AGBL1: variants seen among roughly 807,000 people sequenced by gnomAD.
AGBL1 encodes the protein cytosolic carboxypeptidase 4.
Under a neutral mutation model 118.9 loss-of-function variants are expected in AGBL1, and 130 were observed. That is an observed-to-expected ratio of 1.09 (90% CI 0.95 to 1.26). The LOEUF (loss-of-function observed/expected upper bound fraction) is 1.26, where lower values mean the gene tolerates loss of function less well. Among genes scored for constraint, AGBL1 ranks in the 50% most tolerant of loss-of-function variants. The probability of loss-of-function intolerance (pLI) is 0.00; values close to 1 mark genes in which losing one functional copy is unlikely to be tolerated. For synonymous variants in AGBL1, 555 were observed against 478.9 expected (o/e 1.16, Z -2.08); for missense variants, 1,584 against 1,298.1 (o/e 1.22, Z -3.38).
chr15:86,784,764 A>T (rs972228356), intron 22 of AGBL1, among the ~76,000 whole-genome samples: 2 of 152,146 alleles, frequency 1.3e-5, no homozygotes, highest in Non-Finnish European at 2.9e-5. Flanking sequence ...ATACTCTAAA[A>T]TACAATAGTG....
intron 22 of AGBL1, among the ~76,000 whole-genome samples, chr15:86,819,940 A>C (rs1217741497): frequency 6.6e-6 from 1 of 152,214 alleles, no homozygotes; most frequent in Admixed American, 6.5e-5. Flanking sequence ...GTACCAAAAC[A>C]GATATATAGA....
intron 18 of AGBL1, among the ~76,000 whole-genome samples, chr15:86,432,402 A>C (rs766275792): frequency 9.9e-5 from 15 of 152,280 alleles, no homozygotes; most frequent in Admixed American, 3.9e-4. Flanking sequence ...AGTCCTGGTC[A>C]GATATTTTGT....
At chr15:86,618,959 G>A (rs1175358363) in intron 21 of AGBL1, among the ~76,000 whole-genome samples, 1 of 152,050 alleles carries the variant, frequency 6.6e-6, no homozygotes, top group East Asian at 1.9e-4. Context: ...AAAAATGTAG[G>A]CAGTAACTAT....
chr15:86,712,255 T>A (rs2086572402), intron 22 of AGBL1, among the ~76,000 whole-genome samples: 1 of 152,180 alleles, frequency 6.6e-6, no homozygotes, highest in African/African-American at 2.4e-5. Context: ...AAAGCAATAA[T>A]AAAGATGTCC....
At chr15:86,361,883 TA>T (rs55731923) in intron 17 of AGBL1, among the ~76,000 whole-genome samples, 3 of 152,136 alleles carry the variant, frequency 2.0e-5, no homozygotes, top group East Asian at 1.9e-4. Flanking sequence ...TGCATCTTTT[TA>T]AAAAAATTCA....
chr15:86,835,169 T>G (rs545480019), intron 22 of AGBL1, among the ~76,000 whole-genome samples: 1 of 152,252 alleles, frequency 6.6e-6, no homozygotes, highest in East Asian at 1.9e-4. Flanking sequence ...TGTATACTAT[T>G]TGATCCCCAT....
intron 3 of AGBL1, 86 bp from the exon 4 acceptor site, chr15:86,154,344 C>T: frequency 1.5e-5 from 22 of 1,436,746 alleles, no homozygotes; most frequent in Non-Finnish European, 2.1e-5. Context: ...TCCTCCTTCA[C>T]CATCTTCCCC....
intron 1 of AGBL1, among the ~76,000 whole-genome samples, chr15:86,098,769 G>A (rs1055574084): frequency 6.6e-6 from 1 of 151,792 alleles, no homozygotes; most frequent in Admixed American, 6.6e-5. Flanking sequence ...TTTGTTCTTT[G>A]TGCTTAGGAT....
intron 21 of AGBL1, among the ~76,000 whole-genome samples, chr15:86,664,102 A>C (rs1385505794): frequency 6.6e-6 from 1 of 152,192 alleles, no homozygotes; most frequent in Non-Finnish European, 1.5e-5. Context: ...TGTGCCAGTG[A>C]ATATATGGCC....
chr15:86,916,954 A>G (rs932852485), downstream of AGBL1, among the ~76,000 whole-genome samples: 20 of 152,224 alleles, frequency 1.3e-4, no homozygotes, highest in African/African-American at 4.6e-4. Flanking sequence ...TTCCGAAATC[A>G]GGGCTAAAAA....
At chr15:86,475,466 G>A (rs1345879102) in intron 18 of AGBL1, among the ~76,000 whole-genome samples, 2 of 152,180 alleles carry the variant, frequency 1.3e-5, no homozygotes, top group Middle Eastern at 3.2e-3. Context: ...CTGGAAGAAA[G>A]GGTATCAGTG....
chr15:86,706,304 A>G (rs2086448954), intron 22 of AGBL1, among the ~76,000 whole-genome samples: 1 of 152,112 alleles, frequency 6.6e-6, no homozygotes, highest in South Asian at 2.1e-4. Flanking sequence ...ACAAAATGAT[A>G]TAAGATTATG....
At position 86,083,885 on chromosome 15, in the gene AGBL1, C is replaced by T. The variant is rs138567469; in HGVS notation, c.51+3862C>T. Among the ~76,000 whole-genome samples, 682 of 152,300 alleles carry T rather than the reference C, an allele frequency of 4.5e-3. 2 individuals are homozygous for T. Among genetic ancestry groups the T allele is most frequent in the Non-Finnish European group, 5.0e-3 (340 of 68,024 alleles). On this transcript the variant is annotated intron_variant, in intron 1 of 22. Coordinates refer to ENST00000614907, the MANE Select transcript of AGBL1 (RefSeq NM_001386094.1). ...TATCCATAGGGTCAGGTGGAACAGACGCTGAGCTTTTCCCTTGGACTTAAA... is the reference window on the plus strand; with the variant it reads ...TATCCATAGGGTCAGGTGGAACAGATGCTGAGCTTTTCCCTTGGACTTAAA...
chr15:86,673,636 G>T (rs1205034670), intron 21 of AGBL1, among the ~76,000 whole-genome samples: 1 of 152,164 alleles, frequency 6.6e-6, no homozygotes, highest in East Asian at 1.9e-4. Flanking sequence ...GAGCTTAGAA[G>T]GGTATTTGGC....
chr15:86,255,220 C>T (rs1022269617), intron 7 of AGBL1, among the ~76,000 whole-genome samples: 23 of 152,182 alleles, frequency 1.5e-4, no homozygotes, highest in Non-Finnish European at 3.2e-4. Flanking sequence ...TTCTTGCTTC[C>T]TCCTTGAGAC....
chr15:86,585,396 GTATT>G (rs1383216728), intron 21 of AGBL1, among the ~76,000 whole-genome samples: 1 of 59,542 alleles, frequency 1.7e-5, no homozygotes, highest in East Asian at 4.1e-4. Flanking sequence ...TTCTTTTTAT[GTATT>G]TATTTATTTA....
chr15:86,676,282 A>G (rs115772217), intron 22 of AGBL1, among the ~76,000 whole-genome samples: 2,013 of 152,212 alleles, frequency 0.013, 42 homozygotes, highest in African/African-American at 0.046. Flanking sequence ...AGACATTTGT[A>G]TGGTAATATA....
intron 22 of AGBL1, 150 bp downstream of exon 22, chr15:86,674,586 T>A (rs2085804894): frequency 2.6e-6 from 2 of 778,848 alleles, no homozygotes; most frequent in African/African-American, 3.5e-5. Flanking sequence ...CTATCTCGTT[T>A]CCTACTGATG....
At chr15:86,937,333 C>T (rs2141646838) in intron 23 of AGBL1, among the ~76,000 whole-genome samples, 1 of 152,276 alleles carries the variant, frequency 6.6e-6, no homozygotes, top group South Asian at 2.1e-4. Context: ...AATCATTTTA[C>T]TATAAAGACA....
Sources: gnomAD v4.1 joint callset for allele counts (sites outside exome capture counted in the v4.1 genomes callset) on GRCh38, gnomAD v4.1.1 for gene constraint, MANE v1.5 for transcripts, NCBI Gene and HGNC (gene_info 2026-07-23, HGNC 2026-07-21) for gene names.